Variants in PRP4K observed in about 807,000 individuals in gnomAD.
The protein encoded by PRP4K is pre-mRNA processing factor kinase PRP4K, also known as serine/threonine-protein kinase PRP4 homolog.
At chr6:4,038,294 T>C in the PRP4K span, among the ~76,000 whole-genome samples, 4 of 151,940 alleles carry the variant, frequency 2.6e-5, no homozygotes, top group African/African-American at 9.7e-5. Context: ...TTTATTTTAT[T>C]TTATTTTATT....
chr6:4,045,074 G>A, the PRP4K span, among the ~76,000 whole-genome samples: 1 of 151,870 alleles, frequency 6.6e-6, no homozygotes, highest in Non-Finnish European at 1.5e-5. Context: ...TGTTAGCCAG[G>A]ATGGTCTCGA....
chr6:4,037,306 T>C, the PRP4K span: 7 of 1,192,244 alleles, frequency 5.9e-6, no homozygotes, highest in Admixed American at 5.8e-5. Flanking sequence ...TTTAGGCTAA[T>C]GTGCCTTTTC....
the PRP4K span, chr6:4,049,313 C>G: frequency 5.5e-6 from 3 of 546,128 alleles, no homozygotes; most frequent in South Asian, 8.0e-5. Context: ...GAGGTAAAGT[C>G]TTGATGTACA....
chr6:4,056,988 G>T, the PRP4K span: 5 of 1,467,942 alleles, frequency 3.4e-6, no homozygotes, highest in Admixed American at 2.3e-5. Context: ...ATTAATAGTC[G>T]TCAGTTTTCT....
chr6:4,042,854 A>T, the PRP4K span, among the ~76,000 whole-genome samples: 2 of 152,340 alleles, frequency 1.3e-5, no homozygotes, highest in African/African-American at 4.8e-5. Context: ...TAAGTTAATG[A>T]ACACGTATGA....
At chr6:4,061,637 T>C in the PRP4K span, 2 of 152,660 alleles carry the variant, frequency 1.3e-5, no homozygotes, top group Non-Finnish European at 2.9e-5. Context: ...TTTGTGATCA[T>C]GTTGTCTTTC....
chr6:4,024,942 T>A, the PRP4K span, among the ~76,000 whole-genome samples: 17 of 152,192 alleles, frequency 1.1e-4, no homozygotes, highest in Non-Finnish European at 2.4e-4. Context: ...CGATTTTCAT[T>A]CATTGTGCTG....
the PRP4K span, chr6:4,052,871 C>T: frequency 3.7e-6 from 6 of 1,605,946 alleles, no homozygotes; most frequent in Non-Finnish European, 5.1e-6. Context: ...AGACAATATC[C>T]TGGTAAGTCA....
the PRP4K span, among the ~76,000 whole-genome samples, chr6:4,048,433 A>G: frequency 1.3e-5 from 2 of 151,918 alleles, no homozygotes; most frequent in Admixed American, 6.6e-5. Context: ...TTATTTTTCA[A>G]TTTTCCACGT....
the PRP4K span, chr6:4,032,873 A>G: frequency 8.7e-7 from 1 of 1,155,478 alleles, no homozygotes; most frequent in African/African-American, 1.6e-5. Flanking sequence ...TAAATGAAGT[A>G]GTAATGAGTT....
At chr6:4,045,985 G>A in the PRP4K span, among the ~76,000 whole-genome samples, 16 of 152,062 alleles carry the variant, frequency 1.1e-4, no homozygotes, top group Admixed American at 9.8e-4. Context: ...TACTTAGATC[G>A]ATATACTTTT....
chr6:4,044,131 A>G, the PRP4K span: 1 of 934,724 alleles, frequency 1.1e-6, no homozygotes, highest in Non-Finnish European at 1.6e-6. Context: ...AAGATTAGAC[A>G]TGTTGCTTCT....
At chr6:4,024,688 T>C in the PRP4K span, among the ~76,000 whole-genome samples, 1 of 152,258 alleles carries the variant, frequency 6.6e-6, no homozygotes, top group East Asian at 1.9e-4. Context: ...CTGCAACCTC[T>C]GCGTCCCAGG....
the PRP4K span, chr6:4,058,586 TC>T: frequency 1.5e-6 from 1 of 671,444 alleles, no homozygotes; most frequent in East Asian, 2.8e-5. Context: ...GTTAATGAAT[TC>T]CTGGGATCAA....
chr6:4,029,965 C>T, the PRP4K span, among the ~76,000 whole-genome samples: 1 of 146,014 alleles, frequency 6.8e-6, no homozygotes, highest in Admixed American at 6.9e-5. Context: ...GGTTTTGAGA[C>T]TGCGTCACAC....
the PRP4K span, chr6:4,056,487 C>T: frequency 5.6e-6 from 9 of 1,612,422 alleles, no homozygotes; most frequent in South Asian, 1.1e-5. Flanking sequence ...GTGGAAACCG[C>T]ATACTTAATG....
At chr6:4,050,801 ATG>A in the PRP4K span, among the ~76,000 whole-genome samples, 1 of 152,254 alleles carries the variant, frequency 6.6e-6, no homozygotes, top group African/African-American at 2.4e-5. Flanking sequence ...TTACTATAAA[ATG>A]TAGCTTATTG....
the PRP4K span, chr6:4,040,653 G>T: frequency 8.8e-7 from 1 of 1,131,960 alleles, no homozygotes; most frequent in Non-Finnish European, 1.2e-6. Flanking sequence ...AGAGTTTTAG[G>T]TTTACAGCAA....
At chr6:4,029,012 C>CTTTTTTTTTTTTATTT in the PRP4K span, among the ~76,000 whole-genome samples, 1 of 132,484 alleles carries the variant, frequency 7.5e-6, no homozygotes, top group Non-Finnish European at 1.6e-5. Context: ...TACTTGGAAT[C>CTTTTTTTTTTTTATTT]TTTTTTTTTT....
Sources: allele counts gnomAD v4.1 joint callset (sites outside exome capture counted in the v4.1 genomes callset), GRCh38; gene constraint gnomAD v4.1.1; transcripts MANE v1.5; gene names NCBI Gene and HGNC (gene_info 2026-07-23, HGNC 2026-07-21).